LDB2: variants seen among roughly 807,000 people sequenced by gnomAD.
LDB2 encodes LIM domain binding 2.
A neutral mutation model predicts 44.3 loss-of-function variants in LDB2; 12 were observed. The ratio of observed to expected loss-of-function variants is 0.27; its 90% CI spans 0.17 to 0.44. LDB2 has a LOEUF of 0.44. Ranked by LOEUF, LDB2 falls within the 20% of genes least tolerant of loss-of-function variation. The probability of loss-of-function intolerance (pLI) is 1.00; values close to 1 mark genes in which losing one functional copy is unlikely to be tolerated. For synonymous variants in LDB2, 164 were observed against 174.8 expected (o/e 0.94, Z 0.49); for missense variants, 344 against 473.5 (o/e 0.73, Z 2.54).
At chr4:16,721,930 A>G (rs1758373959) in intron 2 of LDB2, among the ~76,000 whole-genome samples, 1 of 152,214 alleles carries the variant, frequency 6.6e-6, no homozygotes, top group African/African-American at 2.4e-5. Flanking sequence ...CGGCAAAGTA[A>G]ATAAAAGTTT....
At chr4:16,517,786 T>C (rs1724338959) in intron 5 of LDB2, among the ~76,000 whole-genome samples, 1 of 152,242 alleles carries the variant, frequency 6.6e-6, no homozygotes, top group African/African-American at 2.4e-5. Flanking sequence ...CTTGCTCTCC[T>C]ATGCTTCTGA....
chr4:16,843,200 T>C (rs1786240992), intron 1 of LDB2, among the ~76,000 whole-genome samples: 1 of 152,214 alleles, frequency 6.6e-6, no homozygotes, highest in African/African-American at 2.4e-5. Flanking sequence ...TAAGTAATCA[T>C]TTCCTTAGTT....
intron 7 of LDB2, among the ~76,000 whole-genome samples, chr4:16,508,032 G>C (rs576867203): frequency 6.6e-6 from 1 of 152,158 alleles, no homozygotes; most frequent in Non-Finnish European, 1.5e-5. Flanking sequence ...TGGGCTAAGC[G>C]AGAGCTTCAC....
intron 2 of LDB2, among the ~76,000 whole-genome samples, chr4:16,732,304 A>G (rs527733857): frequency 9.2e-5 from 14 of 152,316 alleles, no homozygotes; most frequent in African/African-American, 3.4e-4. Context: ...ATGGTAAAGG[A>G]CAATGCTCCA....
intron 2 of LDB2, among the ~76,000 whole-genome samples, chr4:16,633,432 A>G (rs1317208358): frequency 6.6e-6 from 1 of 151,930 alleles, no homozygotes; most frequent in Admixed American, 6.6e-5. Context: ...AACTTAAAGT[A>G]TAATAAAAAA....
At chr4:16,623,587 A>G in intron 2 of LDB2, among the ~76,000 whole-genome samples, 1 of 149,722 alleles carries the variant, frequency 6.7e-6, no homozygotes, top group East Asian at 2.0e-4. Flanking sequence ...ACAGAGCAAG[A>G]CTCTGTCTCA....
chr4:16,799,858 CATACTT>C (rs1048661804), intron 1 of LDB2, among the ~76,000 whole-genome samples: 2 of 152,274 alleles, frequency 1.3e-5, no homozygotes, highest in African/African-American at 4.8e-5. Flanking sequence ...ATATTTTTGA[CATACTT>C]ATACTAAAAA....
chr4:16,817,141 A>G (rs189693032), intron 1 of LDB2, among the ~76,000 whole-genome samples: 12 of 152,338 alleles, frequency 7.9e-5, no homozygotes, highest in Admixed American at 2.0e-4. Flanking sequence ...TTGTTCAACT[A>G]AAATGCTTCA....
intron 1 of LDB2, among the ~76,000 whole-genome samples, chr4:16,869,332 C>T (rs745639728): frequency 2.0e-5 from 3 of 150,922 alleles, no homozygotes; most frequent in African/African-American, 7.3e-5. Flanking sequence ...CAGAAATGCT[C>T]GAAGTTTTGG....
intron 1 of LDB2, among the ~76,000 whole-genome samples, chr4:16,798,942 C>T (rs1777246366): frequency 6.6e-6 from 1 of 152,144 alleles, no homozygotes; most frequent in Admixed American, 6.5e-5. Flanking sequence ...ACTCCGCCTC[C>T]CGGGTTCACG....
At chr4:16,556,850 A>G (rs1260927723) in intron 5 of LDB2, among the ~76,000 whole-genome samples, 2 of 152,270 alleles carry the variant, frequency 1.3e-5, no homozygotes, top group East Asian at 1.9e-4. Flanking sequence ...AAGAAATAAC[A>G]TAAGAACATT....
chr4:16,672,040 C>G lies in LDB2; in HGVS notation c.236-76165G>C, dbSNP rs149097692. ...ATGGAGAAGATTTAGACTCCAGTGA[C>G]AGAACACACCTGGTAATAACAACAG... On this transcript the variant is annotated intron_variant, in intron 2 of 7. Transcript: ENST00000304523. Among the ~76,000 whole-genome samples the G allele has an allele frequency of 1.2e-3, 179 of 152,278 alleles. 3 individuals are homozygous for G. The highest frequency in any genetic ancestry group is 9.6e-3 in the South Asian group (46 of 4,814).
At chr4:16,806,925 A>G (rs965055865) in intron 1 of LDB2, among the ~76,000 whole-genome samples, 1 of 152,224 alleles carries the variant, frequency 6.6e-6, no homozygotes, top group Non-Finnish European at 1.5e-5. Context: ...AAATCAAGTG[A>G]GATAATACAC....
At chr4:16,842,355 A>G (rs1367980451) in intron 1 of LDB2, among the ~76,000 whole-genome samples, 1 of 152,178 alleles carries the variant, frequency 6.6e-6, no homozygotes, top group Admixed American at 6.5e-5. Context: ...ACGGAGAAAG[A>G]GCAAAAGGAA....
intron 1 of LDB2, among the ~76,000 whole-genome samples, chr4:16,814,301 T>A (rs1780506658): frequency 6.6e-6 from 1 of 152,224 alleles, no homozygotes; most frequent in Non-Finnish European, 1.5e-5. Flanking sequence ...GCTACTCGTC[T>A]GTTCCAGGGC....
chr4:16,518,326 AG>A (rs771546360), intron 5 of LDB2, among the ~76,000 whole-genome samples: 47 of 152,314 alleles, frequency 3.1e-4, no homozygotes, highest in Non-Finnish European at 5.6e-4. Context: ...ACTACAAAGC[AG>A]TATTTGATTA....
At chr4:16,740,106 T>A (rs1309482665) in intron 2 of LDB2, among the ~76,000 whole-genome samples, 1 of 152,000 alleles carries the variant, frequency 6.6e-6, no homozygotes, top group Non-Finnish European at 1.5e-5. Context: ...AAAACAAAAA[T>A]TAAACTTGGA....
intron 5 of LDB2, among the ~76,000 whole-genome samples, chr4:16,543,065 T>C (rs193017350): frequency 6.6e-6 from 1 of 152,120 alleles, no homozygotes; most frequent in African/African-American, 2.4e-5. Flanking sequence ...AGAATGATGG[T>C]TTCCAGCTTC....
chr4:16,732,808 A>G (rs1432763986), intron 2 of LDB2, among the ~76,000 whole-genome samples: 1 of 152,232 alleles, frequency 6.6e-6, no homozygotes, highest in Admixed American at 6.5e-5. Context: ...TTTTCTGAAA[A>G]GAGTTTTGGC....
Sources: allele counts gnomAD v4.1 joint callset (sites outside exome capture counted in the v4.1 genomes callset), GRCh38; gene constraint gnomAD v4.1.1; transcripts MANE v1.5; gene names NCBI Gene and HGNC (gene_info 2026-07-23, HGNC 2026-07-21).